The following THRB variants were observed in gnomAD, a reference collection of about 807,000 sequenced individuals.
The protein encoded by THRB is thyroid hormone receptor beta, also known as nuclear receptor subfamily 1 group A member 2.
THRB carries 12 observed loss-of-function variants against 47.8 expected under a neutral mutation model. The observed-to-expected ratio is 0.25, with a 90% CI of 0.16 to 0.41. THRB has a LOEUF of 0.41. Among genes scored for constraint, THRB ranks in the 10% least tolerant of loss-of-function variants. The pLI is 1.00. For synonymous variants in THRB, 218 were observed against 212.2 expected (o/e 1.03, Z -0.24); for missense variants, 348 against 589.2 (o/e 0.59, Z 4.24).
chr3:24,266,610 G>C (rs914663504), intron 3 of THRB, among the ~76,000 whole-genome samples: 2 of 152,120 alleles, frequency 1.3e-5, no homozygotes, highest in African/African-American at 4.8e-5. Flanking sequence ...CTGATGGAAG[G>C]GACTCGGGTT....
intron 3 of THRB, among the ~76,000 whole-genome samples, chr3:24,278,065 TG>T (rs2054123350): frequency 6.6e-6 from 1 of 152,090 alleles, no homozygotes; most frequent in African/African-American, 2.4e-5. Context: ...GGATTTAAGG[TG>T]GGTTAAAGAA....
chr3:24,269,969 C>T (rs2150627565), intron 3 of THRB, among the ~76,000 whole-genome samples: 1 of 151,546 alleles, frequency 6.6e-6, no homozygotes, highest in East Asian at 1.9e-4. Context: ...TTTTTTTGCA[C>T]CATCTAATGT....
At chr3:24,300,512 T>A (rs1483650670) in intron 2 of THRB, among the ~76,000 whole-genome samples, 2 of 152,232 alleles carry the variant, frequency 1.3e-5, no homozygotes, top group African/African-American at 4.8e-5. Context: ...AAAATTCCTG[T>A]ACACAGAATC....
intron 3 of THRB, among the ~76,000 whole-genome samples, chr3:24,295,727 C>G (rs1419244591): frequency 1.3e-5 from 2 of 152,154 alleles, no homozygotes; most frequent in Non-Finnish European, 2.9e-5. Flanking sequence ...GCTTGGGGTT[C>G]CTGAGGCTTG....
intron 8 of THRB, among the ~76,000 whole-genome samples, chr3:24,136,461 G>A (rs1433265717): frequency 6.6e-6 from 1 of 152,014 alleles, no homozygotes; most frequent in East Asian, 1.9e-4. Context: ...AACCCTGTTT[G>A]TTACTTCCCT....
intron 1 of THRB, among the ~76,000 whole-genome samples, chr3:24,339,005 T>C (rs927988113): frequency 2.0e-5 from 3 of 152,218 alleles, no homozygotes; most frequent in South Asian, 2.1e-4. Flanking sequence ...TCAAAGAGGA[T>C]TCTCAAAGAC....
intron 1 of THRB, among the ~76,000 whole-genome samples, chr3:24,483,311 T>C (rs1022723607): frequency 2.0e-4 from 30 of 152,100 alleles, no homozygotes; most frequent in African/African-American, 7.0e-4. Flanking sequence ...ATAGAGTAAT[T>C]ACTAGGTTAA....
At chr3:24,131,114 TAAA>T (rs1315064772) in intron 9 of THRB, among the ~76,000 whole-genome samples, 1 of 152,186 alleles carries the variant, frequency 6.6e-6, no homozygotes, top group Non-Finnish European at 1.5e-5. Flanking sequence ...CATTCTTTAA[TAAA>T]AAGTTAAAAA....
intron 1 of THRB, among the ~76,000 whole-genome samples, chr3:24,347,277 G>GT (rs925271560): frequency 8.0e-4 from 121 of 151,962 alleles, no homozygotes; most frequent in African/African-American, 2.9e-3. Flanking sequence ...TTAAATGCAT[G>GT]TATCAGAAAA....
chr3:24,403,682 T>C (rs1003693618), intron 1 of THRB, among the ~76,000 whole-genome samples: 5 of 151,966 alleles, frequency 3.3e-5, no homozygotes, highest in African/African-American at 1.2e-4. Flanking sequence ...AAAAATGTCC[T>C]TGATTAAACA....
chr3:24,237,220 A>C lies in THRB; in HGVS notation c.-42-8219T>G, dbSNP rs184504423. Among the ~76,000 whole-genome samples the C allele has an allele frequency of 2.0e-3, 299 of 152,314 alleles. 1 individual carries two copies. Among genetic ancestry groups the C allele is most frequent in the African/African-American group, 6.9e-3 (288 of 41,576 alleles). ...TCAGAATTTCTCCACTGGGTATGGC[A>C]GGAGACTCATGCCCCACATAACAGA... On this transcript the variant is annotated intron_variant, in intron 3 of 10. Transcript: ENST00000646209.
At chr3:24,311,400 T>G (rs751412816) in intron 2 of THRB, among the ~76,000 whole-genome samples, 5 of 152,206 alleles carry the variant, frequency 3.3e-5, no homozygotes, top group Non-Finnish European at 7.3e-5. Flanking sequence ...TGGTTCTCTA[T>G]GATGCCCTCT....
At chr3:24,209,017 GGT>G in intron 4 of THRB, among the ~76,000 whole-genome samples, 1 of 152,180 alleles carries the variant, frequency 6.6e-6, no homozygotes, top group East Asian at 1.9e-4. Flanking sequence ...ATCAAAAAGT[GGT>G]TGAAGGATAT....
At chr3:24,269,654 T>G (rs992236264) in intron 3 of THRB, among the ~76,000 whole-genome samples, 2 of 151,104 alleles carry the variant, frequency 1.3e-5, no homozygotes, top group African/African-American at 4.9e-5. Flanking sequence ...TCAGTTGGTC[T>G]CAGACTCCTG....
At chr3:24,262,996 T>A (rs1035110114) in intron 3 of THRB, among the ~76,000 whole-genome samples, 2 of 152,224 alleles carry the variant, frequency 1.3e-5, no homozygotes, top group Admixed American at 6.5e-5. Flanking sequence ...AAACTGAACA[T>A]GTCTTCTAGA....
At chr3:24,482,983 G>T (rs528490967) in intron 1 of THRB, among the ~76,000 whole-genome samples, 1 of 152,154 alleles carries the variant, frequency 6.6e-6, no homozygotes, top group South Asian at 2.1e-4. Context: ...TATGTTCTCT[G>T]CATGATACTT....
intron 3 of THRB, chr3:24,238,198 A>C (rs1241289047): frequency 1.4e-5 from 2 of 147,374 alleles, no homozygotes; most frequent in African/African-American, 5.0e-5. Context: ...TGCTGTTAAA[A>C]CTGACTCTAC....
intron 1 of THRB, among the ~76,000 whole-genome samples, chr3:24,384,896 T>C (rs1207535596): frequency 6.6e-6 from 1 of 152,164 alleles, no homozygotes; most frequent in Non-Finnish European, 1.5e-5. Context: ...GGAAATGCTC[T>C]AAATTTTATC....
chr3:24,281,379 G>A (rs1242804537), intron 3 of THRB, among the ~76,000 whole-genome samples: 1 of 151,714 alleles, frequency 6.6e-6, no homozygotes, highest in Non-Finnish European at 1.5e-5. Context: ...TTACAGACAA[G>A]CAAATGCTGA....
Sources: gnomAD v4.1 joint callset for allele counts (sites outside exome capture counted in the v4.1 genomes callset) on GRCh38, gnomAD v4.1.1 for gene constraint, MANE v1.5 for transcripts, NCBI Gene and HGNC (gene_info 2026-07-23, HGNC 2026-07-21) for gene names.